Variants in AGBL4 observed in about 807,000 individuals in gnomAD.
AGBL4 encodes AGBL carboxypeptidase 4.
Under a neutral mutation model 66.4 loss-of-function variants are expected in AGBL4, and 58 were observed. That is an observed-to-expected ratio of 0.87 (90% CI 0.71 to 1.09). The LOEUF (loss-of-function observed/expected upper bound fraction) is 1.09. Ranked by LOEUF, AGBL4 falls within the 50% of genes least tolerant of loss-of-function variation. AGBL4 has a pLI of 0.00. For synonymous variants in AGBL4, 234 were observed against 222.9 expected (o/e 1.05, Z -0.44); for missense variants, 579 against 631.0 (o/e 0.92, Z 0.88).
At chr1:49,501,035 T>C (rs773395095) in intron 3 of AGBL4, among the ~76,000 whole-genome samples, 1 of 152,126 alleles carries the variant, frequency 6.6e-6, no homozygotes, top group Non-Finnish European at 1.5e-5. Flanking sequence ...TTGTATAGTC[T>C]ATAATTTCTT....
intron 3 of AGBL4, among the ~76,000 whole-genome samples, chr1:49,526,160 A>C (rs1302630088): frequency 6.6e-6 from 1 of 152,094 alleles, no homozygotes; most frequent in East Asian, 1.9e-4. Context: ...TGCTCAATAA[A>C]CACCTACTGG....
intron 6 of AGBL4, among the ~76,000 whole-genome samples, chr1:48,846,381 G>GAAATAAAT (rs1184297222): frequency 2.7e-5 from 4 of 147,720 alleles, no homozygotes; most frequent in African/African-American, 1.0e-4. Context: ...AAGAAAGAAA[G>GAAATAAAT]AAAGAAAGAA....
intron 3 of AGBL4, among the ~76,000 whole-genome samples, chr1:49,276,897 A>G (rs536012251): frequency 6.6e-6 from 1 of 152,264 alleles, no homozygotes; most frequent in African/African-American, 2.4e-5. Context: ...TCTTTTATTA[A>G]TCTGCCTTTT....
chr1:48,623,443 G>T (rs1247623626), intron 9 of AGBL4, among the ~76,000 whole-genome samples: 1 of 152,224 alleles, frequency 6.6e-6, no homozygotes, highest in East Asian at 1.9e-4. Flanking sequence ...CTGATAGAAG[G>T]TTAAACACTT....
At chr1:49,823,709 T>A in intron 2 of AGBL4, among the ~76,000 whole-genome samples, 1 of 151,956 alleles carries the variant, frequency 6.6e-6, no homozygotes. Context: ...GTGCTTGATA[T>A]CCAATTTTAA....
intron 3 of AGBL4, among the ~76,000 whole-genome samples, chr1:49,525,696 C>T (rs1650602902): frequency 6.6e-6 from 1 of 151,954 alleles, no homozygotes. Context: ...GACGGGAGTT[C>T]AGGGGCACAG....
chr1:48,638,243 C>G (rs1398679962), intron 8 of AGBL4, among the ~76,000 whole-genome samples: 1 of 152,188 alleles, frequency 6.6e-6, no homozygotes. Context: ...CAGCGTTGCC[C>G]CACGGAGTTG....
chr1:48,850,123 C>G (rs1430475054), intron 6 of AGBL4, among the ~76,000 whole-genome samples: 3 of 152,186 alleles, frequency 2.0e-5, no homozygotes, highest in Non-Finnish European at 4.4e-5. Context: ...CAAATAAAAA[C>G]TCTAGGTAAT....
chr1:48,594,219 G>A (rs1644961903), intron 9 of AGBL4, among the ~76,000 whole-genome samples: 1 of 152,150 alleles, frequency 6.6e-6, no homozygotes, highest in Non-Finnish European at 1.5e-5. Context: ...AGCTACTCGG[G>A]AGGCTGAGGC....
At chr1:49,355,992 A>C (rs1644012306) in intron 3 of AGBL4, among the ~76,000 whole-genome samples, 1 of 152,126 alleles carries the variant, frequency 6.6e-6, no homozygotes. Flanking sequence ...CTTAGGGGAG[A>C]GTCTTTACTA....
chr1:49,598,241 C>T (rs975642956), intron 3 of AGBL4, among the ~76,000 whole-genome samples: 25 of 152,200 alleles, frequency 1.6e-4, no homozygotes, highest in South Asian at 2.1e-4. Context: ...CATCCAGCTT[C>T]GTTCCGTTGC....
In AGBL4 at chr1:49,420,046, G is replaced by T. The variant is rs562742840; in HGVS notation, c.283-174182C>A. On this transcript the variant is annotated intron_variant, in intron 3 of 13. Transcript: ENST00000371839. ...CCTACTGATTTATAAACACAATGAA[G>T]TTTAAGAAGCACTGATATAAAGTAC... is the stretch of plus-strand genomic sequence containing the variant. Among the ~76,000 whole-genome samples the T allele has an allele frequency of 1.1e-4, 16 of 152,326 alleles. No homozygotes were observed. In the South Asian group the frequency reaches 3.3e-3, roughly 32 times the overall value.
At chr1:49,878,455 T>G (rs1647097709) in intron 1 of AGBL4, among the ~76,000 whole-genome samples, 1 of 151,956 alleles carries the variant, frequency 6.6e-6, no homozygotes, top group Admixed American at 6.6e-5. Flanking sequence ...TCAGTTTCCA[T>G]GTAGTTGAGC....
chr1:49,558,022 C>T (rs986423124), intron 3 of AGBL4, among the ~76,000 whole-genome samples: 2 of 151,846 alleles, frequency 1.3e-5, no homozygotes, highest in Admixed American at 1.3e-4. Flanking sequence ...TCCAGACAGA[C>T]CCTGGGCCCA....
chr1:50,006,918 CAT>C (rs1314428050), intron 1 of AGBL4, among the ~76,000 whole-genome samples: 7 of 152,232 alleles, frequency 4.6e-5, no homozygotes, highest in African/African-American at 1.2e-4. Context: ...ACACAAAAGA[CAT>C]AGAATATTTT....
At chr1:49,867,416 T>C (rs1182794446) in intron 1 of AGBL4, among the ~76,000 whole-genome samples, 1 of 151,566 alleles carries the variant, frequency 6.6e-6, no homozygotes, top group East Asian at 1.9e-4. Context: ...TGTATACATG[T>C]GCCATGTTGG....
At chr1:49,784,223 CA>C (rs1215344469) in intron 2 of AGBL4, among the ~76,000 whole-genome samples, 2 of 152,050 alleles carry the variant, frequency 1.3e-5, no homozygotes, top group African/African-American at 4.8e-5. Flanking sequence ...TTCCCTATTT[CA>C]AAACTTGTTT....
intron 3 of AGBL4, among the ~76,000 whole-genome samples, chr1:49,378,900 C>A (rs1644529463): frequency 6.6e-6 from 1 of 151,978 alleles, no homozygotes; most frequent in Non-Finnish European, 1.5e-5. Context: ...TGGTGTGTTA[C>A]CCAGAAGTTC....
rs566259435 is a variant in AGBL4 at position 49,283,862 on chromosome 1, G to A, written c.283-37998C>T. Reference sequence around the variant, plus strand: ...TGAGCAAAGCCTCCAAGAAATATGGGACTATGTGAAAAGACCAAATCTACG... The same window carrying A: ...TGAGCAAAGCCTCCAAGAAATATGGAACTATGTGAAAAGACCAAATCTACG... On this transcript the variant is annotated intron_variant, in intron 3 of 13. Transcript: ENST00000371839. 3.2e-3 allele frequency among the ~76,000 whole-genome samples: 464 copies of A among 147,156 alleles called. 1 individual carries two copies. The highest frequency in any genetic ancestry group is 6.9e-3 in the Middle Eastern group (2 of 288).
Sources: gnomAD v4.1 joint callset for allele counts (sites outside exome capture counted in the v4.1 genomes callset) on GRCh38, gnomAD v4.1.1 for gene constraint, MANE v1.5 for transcripts, NCBI Gene and HGNC (gene_info 2026-07-23, HGNC 2026-07-21) for gene names.